GNA15: variants seen among roughly 807,000 people sequenced by gnomAD.
GNA15 encodes the protein guanine nucleotide-binding protein subunit alpha-15.
GNA15 carries 23 observed loss-of-function variants against 40.1 expected under a neutral mutation model. The observed-to-expected ratio is 0.57, with a 90% CI of 0.41 to 0.81. The LOEUF (loss-of-function observed/expected upper bound fraction) is 0.81. GNA15 is among the 40% of genes least tolerant of loss of function. The pLI is 0.00. For synonymous variants in GNA15, 226 were observed against 210.4 expected (o/e 1.07, Z -0.64); for missense variants, 522 against 515.8 (o/e 1.01, Z -0.12).
At chr19:3,148,922 G>A in intron 2 of GNA15, 147 bp downstream of exon 2, 1 of 698,690 alleles carries the variant, frequency 1.4e-6, no homozygotes, top group Non-Finnish European at 2.3e-6. Flanking sequence ...AGACCCTGGG[G>A]CAAGGCCATG....
chr19:3,143,108 AC>A (rs1404977477), intron 1 of GNA15: 1 of 151,984 alleles, frequency 6.6e-6, no homozygotes, highest in Non-Finnish European at 1.5e-5. Flanking sequence ...AAGGACTCAC[AC>A]GACCCCAAGT....
At chr19:3,149,320 T>C (rs1377005679) in intron 2 of GNA15, 2 of 158,440 alleles carry the variant, frequency 1.3e-5, no homozygotes, top group African/African-American at 5.0e-5. Flanking sequence ...CAAGCATGCA[T>C]GCAAATTCCC....
chr19:3,139,598 CA>C (rs35737557), intron 1 of GNA15, among the ~76,000 whole-genome samples: 71,563 of 105,130 alleles, frequency 0.68, 23,872 homozygotes, highest in Non-Finnish European at 0.74. Flanking sequence ...GACTCTGTCT[CA>C]AAAAAAAAAA....
In GNA15 at chr19:3,144,568, A is replaced by T. The variant is rs190611924; in HGVS notation, c.146-4023A>T. ...TTTTGAGTCGGAGTCTCGCTCTGTCACCCAGGCTGGAGTGCAGTGGCATGA... is the reference window on the plus strand; with the variant it reads ...TTTTGAGTCGGAGTCTCGCTCTGTCTCCCAGGCTGGAGTGCAGTGGCATGA... On this transcript the variant is annotated intron_variant, in intron 1 of 6. Transcript: ENST00000262958. Among the ~76,000 whole-genome samples, 4 of 151,978 alleles carry T rather than the reference A, an allele frequency of 2.6e-5. No individual in the cohort carries two copies. In the South Asian group the frequency reaches 6.2e-4, roughly 24 times the overall value.
At chr19:3,156,198 A>G (rs962205634) in intron 5 of GNA15, among the ~76,000 whole-genome samples, 59 of 146,316 alleles carry the variant, frequency 4.0e-4, no homozygotes, top group African/African-American at 1.5e-3. Flanking sequence ...ACACACACAC[A>G]CACACTACAG....
chr19:3,158,827 G>T (rs1318609142), intron 6 of GNA15, among the ~76,000 whole-genome samples: 1 of 151,866 alleles, frequency 6.6e-6, no homozygotes, highest in Non-Finnish European at 1.5e-5. Context: ...GTAGAGATGG[G>T]GTTTCACCAT....
chr19:3,149,018 G>T lies in GNA15; in HGVS notation c.330+243G>T, dbSNP rs555102202. 427 of 505,900 alleles carry T rather than the reference G, an allele frequency of 8.4e-4. 1 individual carries two copies. The African/African-American group carries it at 8.6e-3, about 10-fold the overall frequency. The allele number at this position is 505,900 out of a possible 1,614,324, so 31.3% of individuals were successfully genotyped here. A position where few individuals can be genotyped will look rare whatever the true frequency, so the allele number is the denominator to read the frequency against. Reference sequence around the variant, plus strand: ...ACACGCACATGTATGCACACGCACAGACATGCACACAAGGACACACACGTA... The same window carrying T: ...ACACGCACATGTATGCACACGCACATACATGCACACAAGGACACACACGTA... On this transcript the variant is annotated intron_variant, in intron 2 of 6. Transcript: ENST00000262958.
intron 1 of GNA15, 97 bp from the exon 2 acceptor site, chr19:3,148,494 G>A: frequency 8.2e-7 from 1 of 1,226,450 alleles, no homozygotes; most frequent in Non-Finnish European, 1.1e-6. Flanking sequence ...GAACCCAGGA[G>A]GCCTGGCGTG....
intron 4 of GNA15, among the ~76,000 whole-genome samples, chr19:3,153,439 T>C (rs1914927672): frequency 6.6e-6 from 1 of 150,492 alleles, no homozygotes; most frequent in Non-Finnish European, 1.5e-5. Flanking sequence ...AATGGATGGA[T>C]AGATGGATGG....
chr19:3,156,422 CACACACAT>C, intron 5 of GNA15, among the ~76,000 whole-genome samples: 1 of 122,796 alleles, frequency 8.1e-6, no homozygotes, highest in African/African-American at 3.5e-5. Flanking sequence ...CACACATGAA[CACACACAT>C]GCACACACAC....
rs1166927002 is a variant in GNA15 at position 3,162,773 on chromosome 19, T to C, written c.899-20T>C. The C allele has an allele frequency of 6.3e-7, 1 of 1,575,350 alleles. No homozygotes were observed. The highest frequency in any genetic ancestry group is 1.3e-5 in the African/African-American group (1 of 74,234). On this transcript the variant is annotated intron_variant, in intron 6 of 6. Transcript: ENST00000262958. ...CCAAAGAGGGAGGGTCCTCACCCCCTTCCCACACTGTTTCCCCAGGCCCTA... is the reference window on the plus strand; with the variant it reads ...CCAAAGAGGGAGGGTCCTCACCCCCCTCCCACACTGTTTCCCCAGGCCCTA...
At position 3,163,330 on chromosome 19, in the gene GNA15, A is replaced by G. The variant is rs1915183816; in HGVS notation, c.*311A>G. 1 of 410,948 alleles carries G rather than the reference A, an allele frequency of 2.4e-6. No homozygotes were observed. Among genetic ancestry groups the G allele is most frequent in the Admixed American group, 3.8e-5 (1 of 26,256 alleles). 25.5% of individuals were successfully genotyped at this position (410,948 alleles called of 1,614,324 possible). A position where few individuals can be genotyped will look rare whatever the true frequency, so the allele number is the denominator to read the frequency against. On this transcript the variant is annotated 3_prime_UTR_variant, in exon 7 of 7. Transcript: ENST00000262958. Reference sequence around the variant, plus strand: ...GGATTGAGGACTTGGGTGGGTGGGCATCTCTCAGGAGCCCCATCTCCGGGC... The same window carrying G: ...GGATTGAGGACTTGGGTGGGTGGGCGTCTCTCAGGAGCCCCATCTCCGGGC...
intron 1 of GNA15, among the ~76,000 whole-genome samples, chr19:3,147,553 A>T (rs1245286262): frequency 3.1e-5 from 1 of 31,868 alleles, no homozygotes; most frequent in Non-Finnish European, 7.0e-5. Context: ...TGTCTAAAAA[A>T]AAAGAAAAAA....
intron 1 of GNA15, chr19:3,141,927 T>C (rs183706811): frequency 1.3e-5 from 2 of 152,494 alleles, no homozygotes; most frequent in Admixed American, 6.5e-5. Flanking sequence ...GCAGGATTGA[T>C]TGGGGGTCAG....
chr19:3,162,402 G>GGACT (rs1915158955), intron 6 of GNA15, among the ~76,000 whole-genome samples: 1 of 132,570 alleles, frequency 7.5e-6, no homozygotes, highest in Non-Finnish European at 1.7e-5. Flanking sequence ...AAAAAAAAGA[G>GGACT]GACTCTCTTC....
At chr19:3,149,968 G>A in intron 2 of GNA15, 163 bp from the exon 3 acceptor site, 1 of 593,872 alleles carries the variant, frequency 1.7e-6, no homozygotes, top group Non-Finnish European at 2.9e-6. Flanking sequence ...ACAGACGGAG[G>A]ACAAATCAGA....
rs572482919 is a variant in GNA15, at chr19:3,163,484, C to G, written c.*465C>G. On this transcript the variant is annotated 3_prime_UTR_variant, in exon 7 of 7. Coordinates refer to ENST00000262958, the MANE Select transcript of GNA15 (RefSeq NM_002068.4). The stretch of plus-strand genomic sequence containing the variant: ...ACTCTAGTGGACAGGAGAAGGAACG[C>G]CTTCCAGGAACCTGTGGACTAGGGG... 36 of 169,740 alleles carry G rather than the reference C, an allele frequency of 2.1e-4. No individual in the cohort carries two copies. The highest frequency in any genetic ancestry group is 8.1e-4 in the African/African-American group (34 of 41,956). 10.5% of individuals were successfully genotyped at this position (169,740 alleles called of 1,614,324 possible).
chr19:3,157,368 C>T (rs1041620392), intron 5 of GNA15, among the ~76,000 whole-genome samples: 3 of 152,196 alleles, frequency 2.0e-5, no homozygotes, highest in African/African-American at 7.2e-5. Flanking sequence ...ATTGCCTCAC[C>T]TTAACGACCT....
chr19:3,136,709 C>T lies in GNA15; in HGVS notation c.145+114C>T, dbSNP rs866418527. On this transcript the variant is annotated intron_variant, in intron 1 of 6. Coordinates refer to ENST00000262958, the MANE Select transcript of GNA15 (RefSeq NM_002068.4). This position sits in a 1 kb window ranked among gnomAD's most constrained non-coding sequence, Gnocchi z 4.9. ...AGGTCAGACATTGGCATCGTGGAGCCGTCGCCTCCTCCCAGGGAATGGGGA... is the reference window on the plus strand; with the variant it reads ...AGGTCAGACATTGGCATCGTGGAGCTGTCGCCTCCTCCCAGGGAATGGGGA... 1.6e-5 allele frequency: 15 copies of T among 920,614 alleles called. No individual in the cohort carries two copies. The highest frequency in any genetic ancestry group is 5.0e-5 in the African/African-American group (3 of 59,740). The allele number at this position is 920,614 out of a possible 1,614,324, so 57.0% of individuals were successfully genotyped here.
Sources: gnomAD v4.1 joint callset for allele counts (sites outside exome capture counted in the v4.1 genomes callset) on GRCh38, gnomAD v4.1.1 for gene constraint, Gnocchi (gnomAD v3.1) non-coding constraint, MANE v1.5 for transcripts, NCBI Gene and HGNC (gene_info 2026-07-23, HGNC 2026-07-21) for gene names.